UBE2Z: variants seen among roughly 807,000 people sequenced by gnomAD.
UBE2Z encodes the protein ubiquitin-conjugating enzyme E2 Z.
UBE2Z carries 10 observed loss-of-function variants against 32.6 expected under a neutral mutation model. The observed-to-expected ratio is 0.31, with a 90% CI of 0.19 to 0.52. UBE2Z has a LOEUF of 0.52. UBE2Z is among the 20% of genes least tolerant of loss of function. The pLI is 0.97. For missense variants in UBE2Z, 343 were observed against 480.9 expected, an observed-to-expected ratio of 0.71 and a Z score of 2.68; for synonymous variants, 183 against 190.8, an observed-to-expected ratio of 0.96 and a Z score of 0.34.
intron 3 of UBE2Z, 26 bp from the exon 4 acceptor site, chr17:48,916,050 C>G (rs774450111): frequency 5.9e-6 from 9 of 1,527,446 alleles, no homozygotes; most frequent in Non-Finnish European, 8.0e-6. Flanking sequence ...CTGCCTCACC[C>G]TCCATTCCTT....
chr17:48,924,570 G>C (rs1162698161), intron 6 of UBE2Z, among the ~76,000 whole-genome samples: 1 of 149,954 alleles, frequency 6.7e-6, no homozygotes, highest in African/African-American at 2.5e-5. Context: ...AGACAGCCAG[G>C]TGCGGTGGCT....
At chr17:48,921,417 G>A in intron 5 of UBE2Z, 145 bp downstream of exon 5, 1 of 671,168 alleles carries the variant, frequency 1.5e-6, no homozygotes, top group Non-Finnish European at 2.5e-6. Flanking sequence ...AAGTGGCTGA[G>A]GGTTACCCAA....
chr17:48,921,692 A>G (rs182926945), intron 5 of UBE2Z, among the ~76,000 whole-genome samples: 3,529 of 152,270 alleles, frequency 0.023, 51 homozygotes, highest in Admixed American at 0.038. Context: ...GGCTGATGAA[A>G]AGCAATGGAG....
Position 48,921,239 on chromosome 17 carries a change from T to G in UBE2Z, c.770T>G (p.Met257Arg). The G allele has an allele frequency of 6.2e-7, 1 of 1,612,904 alleles. No individual in the cohort carries two copies. ...ATCAGAGTTGCAGTCTGTGACATGA[T>G]GGAAGGAAAGTGTCCCTGTCCTGAA... is the stretch of plus-strand genomic sequence containing the variant. ...ETIRVAVCDM[M>R]EGKCPCPEPL... Residue 257 changes from methionine to arginine, a missense_variant, in exon 5 of 7, where the codon ATG becomes AGG. Physicochemically the swap from Met to Arg is moderately conservative, Grantham distance 91. Around this residue, in one of 4 missense-constraint regions of UBE2Z, gnomAD observed 182 missense variants for 312.4 expected, o/e 0.58. Coordinates refer to ENST00000360943, the MANE Select transcript of UBE2Z (RefSeq NM_023079.5).
intron 6 of UBE2Z, among the ~76,000 whole-genome samples, chr17:48,924,509 A>G (rs888748100): frequency 2.0e-5 from 3 of 152,242 alleles, no homozygotes; most frequent in African/African-American, 7.2e-5. Context: ...TAAGAACTCA[A>G]AATTTAGGCT....
In UBE2Z at chr17:48,927,805, CACCCTTTTCTA is replaced by C. The variant is rs2040807573; in HGVS notation, c.*672_*682del. On this transcript the variant is annotated 3_prime_UTR_variant, in exon 7 of 7. Transcript: ENST00000360943. ...ACCTTTCTCCCCTCCCCTCTTTCCT[CACCCTTTTCTA>C]GATGTAAGACAGAAAGTAAATGTGA... 6.5e-6 allele frequency: 1 copy of C among 152,706 alleles called. No individual in the cohort carries two copies. Among genetic ancestry groups the C allele is most frequent in the Non-Finnish European group, 1.5e-5 (1 of 68,120 alleles). The allele number at this position is 152,706 out of a possible 1,614,324, so 9.5% of individuals were successfully genotyped here.
In UBE2Z at chr17:48,923,320, CA is replaced by C. The variant is rs56100763; in HGVS notation, c.894+410del. On this transcript the variant is annotated intron_variant, in intron 6 of 6. Coordinates refer to ENST00000360943, the MANE Select transcript of UBE2Z (RefSeq NM_023079.5). Reference sequence around the variant, plus strand: ...TGGACAACAGACCGAGACTCTGTCTCAAAAAAAAAAAAAAAAAAAAAAAAAA... The same window carrying C: ...TGGACAACAGACCGAGACTCTGTCTCAAAAAAAAAAAAAAAAAAAAAAAAA... Among the ~76,000 whole-genome samples, 860 of 101,616 alleles carry C rather than the reference CA, an allele frequency of 8.5e-3. 5 individuals are homozygous for C. The highest frequency in any genetic ancestry group is 0.023 in the African/African-American group (401 of 17,550). The allele number at this position is 101,616 out of a possible 152,430, so 66.7% of individuals were successfully genotyped here. A position where few individuals can be genotyped will look rare whatever the true frequency, so the allele number is the denominator to read the frequency against.
intron 3 of UBE2Z, among the ~76,000 whole-genome samples, chr17:48,913,277 C>T (rs1352945577): frequency 2.6e-5 from 4 of 152,074 alleles, no homozygotes; most frequent in African/African-American, 4.8e-5. Context: ...AACTTGTAGC[C>T]GAGCAGTTTC....
chr17:48,922,973 A>G (rs1220423663), intron 6 of UBE2Z, 36 bp downstream of exon 6: 5 of 1,565,984 alleles, frequency 3.2e-6, no homozygotes, highest in Admixed American at 3.6e-5. Context: ...CAGAAGCCCT[A>G]CAGCTGGCCA....
At position 48,927,817 on chromosome 17, in the gene UBE2Z, G is replaced by T. The variant is rs1382935274; in HGVS notation, c.*683G>T. ...TCCCCTCTTTCCTCACCCTTTTCTA[G>T]ATGTAAGACAGAAAGTAAATGTGAC... On this transcript the variant is annotated 3_prime_UTR_variant, in exon 7 of 7. Transcript: ENST00000360943. The T allele has an allele frequency of 6.6e-6, 1 of 152,632 alleles. No individual in the cohort carries two copies. Among genetic ancestry groups the T allele is most frequent in the African/African-American group, 2.4e-5 (1 of 41,412 alleles). The allele number at this position is 152,632 out of a possible 1,614,324, so 9.5% of individuals were successfully genotyped here.
intron 6 of UBE2Z, among the ~76,000 whole-genome samples, chr17:48,924,439 A>G (rs4793991): frequency 0.41 from 62,714 of 152,122 alleles, 15,473 homozygotes; most frequent in East Asian, 0.71. Flanking sequence ...TTCCTATTCA[A>G]AGATGATAAC....
chr17:48,909,768 A>G (rs1182438135), intron 1 of UBE2Z, among the ~76,000 whole-genome samples: 2 of 152,058 alleles, frequency 1.3e-5, no homozygotes, highest in African/African-American at 4.8e-5. Flanking sequence ...AACCTGTTTG[A>G]CTTCTCCCCA....
intron 1 of UBE2Z, among the ~76,000 whole-genome samples, chr17:48,909,806 G>C (rs2040662705): frequency 2.0e-5 from 3 of 152,012 alleles, no homozygotes; most frequent in Non-Finnish European, 4.4e-5. Context: ...TCTTCGTTTA[G>C]TTCTTATTCC....
rs1302455715 is a variant in UBE2Z, at chr17:48,927,365, CAG to C, written c.*232_*233del. ...CTTCGTTCATCCATTCATCCCGTATCAGGGGCCAAGGTACCTTTACAGGAGCA... is the reference window on the plus strand; with the variant it reads ...CTTCGTTCATCCATTCATCCCGTATCGGGCCAAGGTACCTTTACAGGAGCA... On this transcript the variant is annotated 3_prime_UTR_variant, in exon 7 of 7. Coordinates refer to ENST00000360943, the MANE Select transcript of UBE2Z (RefSeq NM_023079.5). 9 of 518,696 alleles carry C rather than the reference CAG, an allele frequency of 1.7e-5. No homozygotes were observed. The highest frequency in any genetic ancestry group is 3.1e-5 in the Non-Finnish European group (9 of 288,644). The allele number at this position is 518,696 out of a possible 1,614,324, so 32.1% of individuals were successfully genotyped here. A position where few individuals can be genotyped will look rare whatever the true frequency, so the allele number is the denominator to read the frequency against.
chr17:48,922,479 G>C (rs1370573565), intron 5 of UBE2Z, among the ~76,000 whole-genome samples: 1 of 152,244 alleles, frequency 6.6e-6, no homozygotes, highest in East Asian at 1.9e-4. Flanking sequence ...ATTAAGGTTA[G>C]GTAAAGAGGC....
At chr17:48,926,889 G>T (rs2040802328) in intron 6 of UBE2Z, 75 bp from the exon 7 acceptor site, 1 of 1,475,656 alleles carries the variant, frequency 6.8e-7, no homozygotes, top group Admixed American at 2.2e-5. Context: ...CATTTCACAT[G>T]GGCCCGAAGT....
intron 2 of UBE2Z, 127 bp from the exon 3 acceptor site, chr17:48,912,707 G>A (rs2040688994): frequency 1.1e-6 from 1 of 936,704 alleles, no homozygotes; most frequent in African/African-American, 1.6e-5. Flanking sequence ...TCTGCATGGT[G>A]AGGATATAGA....
intron 2 of UBE2Z, chr17:48,911,665 TA>T (rs1324589724): frequency 2.7e-4 from 41 of 152,298 alleles, no homozygotes; most frequent in Admixed American, 1.1e-3. Context: ...TTTCCCTTCA[TA>T]TTTTTTTTTT....
In UBE2Z at chr17:48,912,890, G is replaced by T; in HGVS notation, c.447G>T (p.Leu149=). ...FDTPYEGGFF[L]FVFRCPPDYP... is the part of the protein sequence containing the mutation. The stretch of plus-strand genomic sequence containing the variant: ...CTCCTTATGAAGGGGGTTTCTTCCT[G>T]TTCGTGTTTCGGTGTCCGCCCGACT... The change falls in exon 3 of 7, where the codon CTG becomes CTT. Residue 149 remains leucine (L), a synonymous_variant. Coordinates refer to ENST00000360943, the MANE Select transcript of UBE2Z (RefSeq NM_023079.5). 6.2e-7 allele frequency: 1 copy of T among 1,613,884 alleles called. No homozygotes were observed. Among genetic ancestry groups the T allele is most frequent in the Non-Finnish European group, 8.5e-7 (1 of 1,179,870 alleles).
Sources: gnomAD v4.1 joint callset for allele counts (sites outside exome capture counted in the v4.1 genomes callset) on GRCh38, gnomAD v4.1.1 for gene constraint, gnomAD v4.1.1 regional missense constraint, MANE v1.5 for transcripts, NCBI Gene and HGNC (gene_info 2026-07-23, HGNC 2026-07-21) for gene names.